The following NECTIN3 variants were observed in gnomAD, a reference collection of about 807,000 sequenced individuals.
The protein encoded by NECTIN3 is nectin cell adhesion molecule 3, also known as nectin-3.
In NECTIN3, 8 loss-of-function variants were observed where a neutral mutation model predicts 49.4. That is an observed-to-expected ratio of 0.16 (90% confidence interval 0.10 to 0.29). The LOEUF is 0.29. NECTIN3 is among the 10% of genes least tolerant of loss of function. The probability of loss-of-function intolerance (pLI) is 1.00; values close to 1 mark genes in which losing one functional copy is unlikely to be tolerated. For synonymous variants in NECTIN3, 277 were observed against 241.1 expected (o/e 1.15, Z -1.38); for missense variants, 581 against 654.6 (o/e 0.89, Z 1.23).
At chr3:111,118,285 A>ATATATATAG (rs2033793693) in intron 2 of NECTIN3, among the ~76,000 whole-genome samples, 2 of 55,466 alleles carry the variant, frequency 3.6e-5, no homozygotes, top group Non-Finnish European at 9.3e-5. Context: ...TATATATATT[A>ATATATATAG]TACATATATA....
rs1313491709 is a variant in NECTIN3 at position 111,072,109 on chromosome 3, T to C, written c.92T>C (p.Leu31Pro). Residue 31 changes from leucine to proline, a missense_variant, in exon 1 of 6, where the codon CTG (leucine) becomes CCG (proline). Around this residue, in one of 3 missense-constraint regions of NECTIN3, gnomAD observed 109 missense variants for 69.1 expected, o/e 1.58. Transcript: ENST00000485303. Reference protein sequence around the residue: ...SASLLGAGLLLQPPTPPPLLL... With the variant: ...SASLLGAGLLPQPPTPPPLLL... ...TCTCTCCTCGGAGCCGGGCTCCTGC[T>C]GCAGCCCCCGACGCCACCTCCGCTG... 7 of 1,549,564 alleles carry C rather than the reference T, an allele frequency of 4.5e-6. No individual in the cohort carries two copies. The East Asian group carries it at 1.7e-4, about 38-fold the overall frequency.
chr3:111,157,734 T>C (rs16857693), intron 7 of NECTIN3, among the ~76,000 whole-genome samples: 2,038 of 152,182 alleles, frequency 0.013, 53 homozygotes, highest in African/African-American at 0.047. Context: ...CATTTCTGCA[T>C]TGGGAATAAA....
intron 1 of NECTIN3, among the ~76,000 whole-genome samples, chr3:111,106,094 C>A (rs954984418): frequency 6.6e-6 from 1 of 151,590 alleles, no homozygotes; most frequent in Non-Finnish European, 1.5e-5. Flanking sequence ...CTTCTTGCTT[C>A]CCTGGCCAGC....
rs1321257802 is a variant in NECTIN3, at chr3:111,072,060, G to T, written c.43G>T (p.Gly15Cys). Residue 15 changes from glycine (G) to cysteine (C), a missense_variant, in exon 1 of 6, where the codon GGC (glycine) becomes TGC (cysteine). This residue lies in a region of NECTIN3 where 109 missense variants were observed against 69.1 expected (regional missense o/e 1.58). Transcript: ENST00000485303. The stretch of plus-strand genomic sequence containing the variant: ...GCCGTCCCCGCTGTGTCCTGGAGGC[G>T]GCAAAGCACAACTTTCCTCCGCTTC... The part of the protein sequence containing the change: ...LRPSPLCPGG[G>C]KAQLSSASLL... 1.3e-6 allele frequency: 2 copies of T among 1,548,050 alleles called. No individual in the cohort carries two copies. Among genetic ancestry groups the T allele is most frequent in the Non-Finnish European group, 8.7e-7 (1 of 1,145,730 alleles).
rs1286753860 is a variant in NECTIN3 at position 111,133,829 on chromosome 3, T to A, written c.1264T>A (p.Leu422Met). 6.2e-7 allele frequency: 1 copy of A among 1,613,858 alleles called. No individual in the cohort carries two copies. Among genetic ancestry groups the A allele is most frequent in the South Asian group, 1.1e-5 (1 of 91,076 alleles). Residue 422 changes from leucine (L) to methionine (M), a missense_variant, in exon 6 of 6, where the codon TTG becomes ATG. This residue lies in a region of NECTIN3 where 238 missense variants were observed against 244.9 expected (regional missense o/e 0.97). Coordinates refer to ENST00000485303, the MANE Select transcript of NECTIN3 (RefSeq NM_015480.3). ...TCTCTTCATAGTACTTGTAAGTGTT[T>A]TGGCTGGAATATTCTGCTATAGGAG... ...GALFIVLVSV[L>M]AGIFCYRRRR...
At position 111,135,876 on chromosome 3, in the gene NECTIN3, A is replaced by T; in HGVS notation, c.*1661A>T. The T allele has an allele frequency of 5.5e-6, 5 of 913,488 alleles. No homozygotes were observed. The highest frequency in any genetic ancestry group is 6.5e-6 in the Non-Finnish European group (5 of 775,102). 56.6% of individuals were successfully genotyped at this position (913,488 alleles called of 1,614,324 possible). On this transcript the variant is annotated 3_prime_UTR_variant, in exon 6 of 6. Transcript: ENST00000485303. ...AGAAACCTCTTTTATTTCTCTTCCC[A>T]AAAGTAATACTTATTATAAGGCTGT...
intron 3 of NECTIN3, among the ~76,000 whole-genome samples, chr3:111,119,982 C>A (rs2033875547): frequency 6.6e-6 from 1 of 152,012 alleles, no homozygotes; most frequent in Non-Finnish European, 1.5e-5. Context: ...TCTTTTTCAA[C>A]CTTTATAGGG....
At chr3:111,177,700 A>C (rs1209455022) in intron 7 of NECTIN3, among the ~76,000 whole-genome samples, 1 of 152,204 alleles carries the variant, frequency 6.6e-6, no homozygotes, top group African/African-American at 2.4e-5. Context: ...AAATAGGTAC[A>C]GCATTAGGGC....
Position 111,135,147 on chromosome 3 carries a change from A to T in NECTIN3, c.*932A>T. The T allele has an allele frequency of 1.0e-6, 1 of 982,030 alleles. No individual in the cohort carries two copies. Among genetic ancestry groups the T allele is most frequent in the Non-Finnish European group, 1.2e-6 (1 of 826,972 alleles). The allele number at this position is 982,030 out of a possible 1,614,324, so 60.8% of individuals were successfully genotyped here. A position where few individuals can be genotyped will look rare whatever the true frequency, so the allele number is the denominator to read the frequency against. ...CTTTCAGCCAACAATCTATAGAAAGAATTTTATGGACCATCTTGTTTTAGT... is the reference window on the plus strand; with the variant it reads ...CTTTCAGCCAACAATCTATAGAAAGTATTTTATGGACCATCTTGTTTTAGT... On this transcript the variant is annotated 3_prime_UTR_variant, in exon 6 of 6. Coordinates refer to ENST00000485303, the MANE Select transcript of NECTIN3 (RefSeq NM_015480.3).
chr3:111,087,426 G>T (rs914345564), intron 1 of NECTIN3, among the ~76,000 whole-genome samples: 5 of 152,168 alleles, frequency 3.3e-5, no homozygotes, highest in African/African-American at 1.2e-4. Context: ...ACCAAGGCTG[G>T]CGTATCACTG....
At chr3:111,077,290 T>A (rs1168701687) in intron 1 of NECTIN3, 8 of 345,040 alleles carry the variant, frequency 2.3e-5, no homozygotes, top group Non-Finnish European at 4.8e-5. Context: ...GAGTAGATAT[T>A]CATAAACTGG....
intron 1 of NECTIN3, among the ~76,000 whole-genome samples, chr3:111,083,294 A>G (rs767761058): frequency 9.2e-5 from 14 of 152,192 alleles, no homozygotes; most frequent in Non-Finnish European, 1.6e-4. Flanking sequence ...TTATGGACTG[A>G]AAGTTTGTGT....
chr3:111,083,449 G>A (rs193226610), intron 1 of NECTIN3, among the ~76,000 whole-genome samples: 95 of 152,246 alleles, frequency 6.2e-4, no homozygotes, highest in African/African-American at 2.2e-3. Context: ...CTTATAAGAA[G>A]AGGAAGACAC....
chr3:111,109,728 T>A (rs1011589734), intron 1 of NECTIN3, among the ~76,000 whole-genome samples: 1 of 152,064 alleles, frequency 6.6e-6, no homozygotes, highest in African/African-American at 2.4e-5. Context: ...TTATTTTTAC[T>A]TTAATATTTT....
chr3:111,118,528 A>G, intron 2 of NECTIN3, 128 bp from the exon 3 acceptor site: 1 of 851,372 alleles, frequency 1.2e-6, no homozygotes, highest in South Asian at 2.1e-5. Context: ...GGCATTACCT[A>G]AAAAGTGTGT....
chr3:111,074,865 A>G (rs533017734), intron 1 of NECTIN3: 1 of 151,852 alleles, frequency 6.6e-6, no homozygotes, highest in African/African-American at 2.4e-5. Context: ...TCTCACTTTT[A>G]CTTCCCACCG....
chr3:111,126,251 A>T lies in NECTIN3; in HGVS notation c.985A>T (p.Thr329Ser). Residue 329 changes from threonine (T) to serine (S), a missense_variant, in exon 5 of 6, where the codon ACT (threonine) becomes TCT (serine). Transcript: ENST00000485303. ...TACTCTTCATTTTGTCCATCCATTG[A>T]CTTTCAATTATTCTGGTGTTTATAT... The part of the protein sequence containing the change: ...DNTLHFVHPL[T>S]FNYSGVYICK... 1 of 1,610,200 alleles carries T rather than the reference A, an allele frequency of 6.2e-7. No individual in the cohort carries two copies. Among genetic ancestry groups the T allele is most frequent in the Non-Finnish European group, 8.5e-7 (1 of 1,178,826 alleles).
chr3:111,179,496 C>T (rs774459823), intron 7 of NECTIN3, among the ~76,000 whole-genome samples: 29 of 152,148 alleles, frequency 1.9e-4, no homozygotes, highest in Admixed American at 3.3e-4. Context: ...CTGTCATTCT[C>T]TTAGTGGGTT....
intron 1 of NECTIN3, among the ~76,000 whole-genome samples, chr3:111,092,079 A>C (rs1232220972): frequency 1.3e-5 from 2 of 152,104 alleles, no homozygotes; most frequent in Non-Finnish European, 2.9e-5. Context: ...TTGGCCATTT[A>C]TATATGTTCT....
Sources: allele counts gnomAD v4.1 joint callset (sites outside exome capture counted in the v4.1 genomes callset), GRCh38; gene constraint gnomAD v4.1.1; regional missense constraint gnomAD v4.1.1; transcripts MANE v1.5; gene names NCBI Gene and HGNC (gene_info 2026-07-23, HGNC 2026-07-21).